The following ADD2 variants were observed in gnomAD, a reference collection of about 807,000 sequenced individuals.
The protein encoded by ADD2 is beta-adducin.
Under a neutral mutation model 83.0 loss-of-function variants are expected in ADD2, and 23 were observed. The observed-to-expected ratio is 0.28, with a 90% CI of 0.20 to 0.39. The LOEUF (loss-of-function observed/expected upper bound fraction) is 0.39. Among genes scored for constraint, ADD2 ranks in the 10% least tolerant of loss-of-function variants. The pLI is 1.00. For synonymous variants in ADD2, 375 were observed against 375.4 expected, an observed-to-expected ratio of 1.00 and a Z score of 0.01; for missense variants, 758 against 944.9, an observed-to-expected ratio of 0.80 and a Z score of 2.59.
At chr2:70,683,489 G>A (rs1381682835) in intron 10 of ADD2, 102 bp downstream of exon 10, 1 of 1,265,934 alleles carries the variant, frequency 7.9e-7, no homozygotes, top group Non-Finnish European at 1.1e-6. Flanking sequence ...ACCTAGTTGT[G>A]ATGCTGGCAA....
chr2:70,736,926 A>G (rs1242245173), intron 1 of ADD2, among the ~76,000 whole-genome samples: 2 of 152,216 alleles, frequency 1.3e-5, no homozygotes, highest in Admixed American at 1.3e-4. Flanking sequence ...ATATGAACAG[A>G]CACTTCTCAA....
chr2:70,697,505 GAATCAGCATCTA>G (rs782693300), intron 4 of ADD2, among the ~76,000 whole-genome samples: 19 of 152,320 alleles, frequency 1.2e-4, no homozygotes, highest in Non-Finnish European at 2.5e-4. Context: ...TCTAGCATCT[GAATCAGCATCTA>G]GGAACTAATA....
chr2:70,696,174 C>T (rs1194235802), intron 5 of ADD2, 71 bp downstream of exon 5: 2 of 1,553,284 alleles, frequency 1.3e-6, no homozygotes, highest in African/African-American at 1.4e-5. Context: ...TGCCAAGGGT[C>T]AGGAGTTCTC....
At chr2:70,746,057 G>A (rs1478332809) in intron 1 of ADD2, among the ~76,000 whole-genome samples, 1 of 152,192 alleles carries the variant, frequency 6.6e-6, no homozygotes, top group East Asian at 1.9e-4. Flanking sequence ...TAGTGAGACT[G>A]TCGTTATGAT....
intron 1 of ADD2, among the ~76,000 whole-genome samples, chr2:70,766,977 AT>A (rs1336548752): frequency 6.6e-6 from 1 of 151,988 alleles, no homozygotes; most frequent in African/African-American, 2.4e-5. Flanking sequence ...CCTATTTTCT[AT>A]TTTTAGTTTT....
At chr2:70,668,380 C>CAAGCCACACTGCATCTGGACA (rs1669765275) in intron 15 of ADD2, among the ~76,000 whole-genome samples, 1 of 152,222 alleles carries the variant, frequency 6.6e-6, no homozygotes, top group African/African-American at 2.4e-5. Flanking sequence ...AGGTCTGGCT[C>CAAGCCACACTGCATCTGGACA]AAGCCACACT....
chr2:70,672,874 T>C lies in ADD2; in HGVS notation c.1870+4A>G. The C allele has an allele frequency of 6.2e-7, 1 of 1,610,940 alleles. No individual in the cohort carries two copies. Among genetic ancestry groups the C allele is most frequent in the Non-Finnish European group, 8.5e-7 (1 of 1,178,942 alleles). Reference sequence around the variant, plus strand: ...TCCCTCCCAGCCTACTCAGCTGGACTCACCCTCTAAAGACTTGGAAGGAGA... The same window carrying C: ...TCCCTCCCAGCCTACTCAGCTGGACCCACCCTCTAAAGACTTGGAAGGAGA... On this transcript the variant is annotated splice_donor_region_variant and intron_variant, in intron 15 of 15. Coordinates refer to ENST00000264436, the MANE Select transcript of ADD2 (RefSeq NM_001617.4).
At chr2:70,739,847 A>G (rs190197482) in intron 1 of ADD2, among the ~76,000 whole-genome samples, 10 of 152,310 alleles carry the variant, frequency 6.6e-5, no homozygotes, top group Admixed American at 3.3e-4. Context: ...AAAGAAAGGA[A>G]CAGCAAACAC....
chr2:70,733,886 A>T (rs1340585066), intron 1 of ADD2, among the ~76,000 whole-genome samples: 5 of 152,208 alleles, frequency 3.3e-5, no homozygotes, highest in Non-Finnish European at 7.3e-5. Context: ...CTTGTCCCCA[A>T]GTCCCAGTGC....
rs192863157 is a variant in ADD2 at position 70,690,701 on chromosome 2, T to A, written c.849+85A>T. 1.9e-4 allele frequency: 275 copies of A among 1,458,332 alleles called. 2 individuals are homozygous for A. In the Admixed American group the frequency reaches 6.1e-3, roughly 32 times the overall value. The allele number at this position is 1,458,332 out of a possible 1,614,324, so 90.3% of individuals were successfully genotyped here. The stretch of plus-strand genomic sequence containing the variant: ...TTTTCCCCCCTCTCTCCCTCCCTTA[T>A]TGTCCAATGAACATATGTCACTTTT... On this transcript the variant is annotated intron_variant, in intron 8 of 15. Coordinates refer to ENST00000264436, the MANE Select transcript of ADD2 (RefSeq NM_001617.4).
chr2:70,688,164 A>T, intron 8 of ADD2, 42 bp from the exon 9 acceptor site: 1 of 1,526,008 alleles, frequency 6.6e-7, no homozygotes, highest in Non-Finnish European at 9.1e-7. Context: ...TAAGTCCTCT[A>T]AACTTTAGTT....
intron 1 of ADD2, among the ~76,000 whole-genome samples, chr2:70,731,409 C>T (rs1673275087): frequency 1.3e-5 from 2 of 152,188 alleles, no homozygotes; most frequent in Admixed American, 6.5e-5. Flanking sequence ...AGACCATGTG[C>T]GATTAGGAGA....
chr2:70,671,690 C>T (rs3771464), intron 15 of ADD2, among the ~76,000 whole-genome samples: 51,172 of 151,982 alleles, frequency 0.34, 8,845 homozygotes, highest in African/African-American at 0.44. Flanking sequence ...ACACAACAGT[C>T]GGGGTACATC....
At chr2:70,691,043 G>A (rs1671006236) in intron 7 of ADD2, 114 bp from the exon 8 acceptor site, 1 of 1,319,138 alleles carries the variant, frequency 7.6e-7, no homozygotes, top group African/African-American at 1.5e-5. Context: ...GAGGAGTGAG[G>A]GGTGAGGTTG....
intron 1 of ADD2, among the ~76,000 whole-genome samples, chr2:70,736,177 C>T (rs1392010902): frequency 6.6e-6 from 1 of 152,118 alleles, no homozygotes; most frequent in South Asian, 2.1e-4. Flanking sequence ...TGACCTGTCT[C>T]CCATCACATA....
intron 1 of ADD2, among the ~76,000 whole-genome samples, chr2:70,735,917 G>A (rs1553380081): frequency 7.3e-6 from 1 of 137,072 alleles, no homozygotes; most frequent in Non-Finnish European, 1.5e-5. Context: ...TGGCCAGGCT[G>A]GTTTTGAACC....
At chr2:70,680,879 A>G (rs1670419353) in intron 10 of ADD2, among the ~76,000 whole-genome samples, 1 of 152,174 alleles carries the variant, frequency 6.6e-6, no homozygotes, top group South Asian at 2.1e-4. Flanking sequence ...ACAGTACTCT[A>G]TCTTGCTTCT....
chr2:70,738,154 T>C (rs1673684923), intron 1 of ADD2, among the ~76,000 whole-genome samples: 1 of 152,036 alleles, frequency 6.6e-6, no homozygotes, highest in African/African-American at 2.4e-5. Context: ...AAAACAAAAA[T>C]CCAATAAGGG....
In ADD2 at chr2:70,660,020, T is replaced by C. The variant is rs1675487162; in HGVS notation, c.*3405A>G. The stretch of plus-strand genomic sequence containing the variant: ...AATCTGAGCTCTTGAATACACATTT[T>C]CTCCAGTCAGATATTGGTCAAAGTT... On this transcript the variant is annotated 3_prime_UTR_variant, in exon 16 of 16. Transcript: ENST00000264436. The C allele has an allele frequency of 6.6e-6, 1 of 152,200 alleles. No individual in the cohort carries two copies. Among genetic ancestry groups the C allele is most frequent in the Admixed American group, 6.5e-5 (1 of 15,278 alleles). The allele number at this position is 152,200 out of a possible 1,614,324, so 9.4% of individuals were successfully genotyped here. A position where few individuals can be genotyped will look rare whatever the true frequency, so the allele number is the denominator to read the frequency against.
Sources: gnomAD v4.1 joint callset for allele counts (sites outside exome capture counted in the v4.1 genomes callset) on GRCh38, gnomAD v4.1.1 for gene constraint, MANE v1.5 for transcripts, NCBI Gene and HGNC (gene_info 2026-07-23, HGNC 2026-07-21) for gene names.